Variants in ITIH1 observed in about 807,000 individuals in gnomAD.
ITIH1 encodes inter-alpha-trypsin inhibitor heavy chain H1.
A neutral mutation model predicts 104.6 loss-of-function variants in ITIH1; 94 were observed. The ratio of observed to expected loss-of-function variants is 0.90; its 90% CI spans 0.76 to 1.07. The LOEUF (loss-of-function observed/expected upper bound fraction) is 1.07. Among genes scored for constraint, ITIH1 ranks in the 50% least tolerant of loss-of-function variants. The pLI, the probability that ITIH1 is intolerant of heterozygous loss-of-function variation, is 0.00. For synonymous variants in ITIH1, 455 were observed against 464.4 expected (o/e 0.98, Z 0.26); for missense variants, 1,193 against 1,181.4 (o/e 1.01, Z -0.14).
At chr3:52,784,876 G>GAAAA (rs5848960) in intron 11 of ITIH1, among the ~76,000 whole-genome samples, 168 bp from the exon 12 acceptor site, 6 of 137,830 alleles carry the variant, frequency 4.4e-5, no homozygotes, top group Admixed American at 1.4e-4. Context: ...CTCTGTCTCA[G>GAAAA]AAAAAAAAAA....
rs1476451689 is a variant in ITIH1 at position 52,784,195 on chromosome 3, G to A, written c.1226-101G>A. On this transcript the variant is annotated intron_variant, in intron 10 of 21. Coordinates refer to ENST00000273283, the MANE Select transcript of ITIH1 (RefSeq NM_002215.4). ...GCCCAGGAGCCTGGAGATGCTCTGA[G>A]ATGGAAGGCTTGAGCCCCAGGGAGT... The A allele has an allele frequency of 3.8e-6, 4 of 1,044,694 alleles. No individual in the cohort carries two copies. The Admixed American group carries it at 1.0e-4, about 27-fold the overall frequency. 64.7% of individuals were successfully genotyped at this position (1,044,694 alleles called of 1,614,324 possible). A position where few individuals can be genotyped will look rare whatever the true frequency, so the allele number is the denominator to read the frequency against.
intron 6 of ITIH1, among the ~76,000 whole-genome samples, chr3:52,781,345 T>C (rs1194537625): frequency 6.6e-6 from 1 of 151,068 alleles, no homozygotes; most frequent in Non-Finnish European, 1.5e-5. Context: ...TATCTTCTCT[T>C]CTTCTTCCTC....
Position 52,787,566 on chromosome 3 carries a change from C to T in ITIH1, c.1904-26C>T, listed in dbSNP as rs371355514. On this transcript the variant is annotated intron_variant, in intron 15 of 21. Coordinates refer to ENST00000273283, the MANE Select transcript of ITIH1 (RefSeq NM_002215.4). ...GGGGCACCGTGGGTGACACTGTCTT[C>T]GATAATATGTCCTTGTCTTCTACAG... is the stretch of plus-strand genomic sequence containing the variant. 1.6e-5 allele frequency: 26 copies of T among 1,613,926 alleles called. No individual in the cohort carries two copies. In the Admixed American group the frequency reaches 3.0e-4, roughly 19 times the overall value.
Position 52,780,453 on chromosome 3 carries a change from T to C in ITIH1, c.687+71T>C, listed in dbSNP as rs1699006585. 1.0e-5 allele frequency: 11 copies of C among 1,055,762 alleles called. No homozygotes were observed. The South Asian group carries it at 1.6e-4, about 15-fold the overall frequency. 65.4% of individuals were successfully genotyped at this position (1,055,762 alleles called of 1,614,324 possible). Reference sequence around the variant, plus strand: ...CTCAGCCTGCCCACCCCTTATGGAATGTCCAGCCTTAGCCCAGAAACCAGG... The same window carrying C: ...CTCAGCCTGCCCACCCCTTATGGAACGTCCAGCCTTAGCCCAGAAACCAGG... On this transcript the variant is annotated intron_variant, in intron 6 of 21. Transcript: ENST00000273283.
rs1012492297 is a variant in ITIH1 at position 52,779,905 on chromosome 3, G to A, written c.573+311G>A. The A allele has an allele frequency of 1.4e-5, 20 of 1,379,800 alleles. No individual in the cohort carries two copies. The highest frequency in any genetic ancestry group is 1.2e-4 in the African/African-American group (8 of 68,702). 85.5% of individuals were successfully genotyped at this position (1,379,800 alleles called of 1,614,324 possible). A position where few individuals can be genotyped will look rare whatever the true frequency, so the allele number is the denominator to read the frequency against. On this transcript the variant is annotated intron_variant, in intron 5 of 21. Coordinates refer to ENST00000273283, the MANE Select transcript of ITIH1 (RefSeq NM_002215.4). The surrounding 1 kb of genome is among the most constrained non-coding windows in gnomAD (Gnocchi z 4.4). Reference sequence around the variant, plus strand: ...AATTTTGTAAACTAGAAAGTCCCGCGCAGCCTGAGGGCCTGGAATTATTGC... The same window carrying A: ...AATTTTGTAAACTAGAAAGTCCCGCACAGCCTGAGGGCCTGGAATTATTGC...
chr3:52,784,506 A>T, intron 11 of ITIH1, 29 bp downstream of exon 11: 3 of 1,599,128 alleles, frequency 1.9e-6, no homozygotes, highest in Non-Finnish European at 1.7e-6. Flanking sequence ...CTGTACCTCC[A>T]ATGGCATGCC....
rs1488822247 is a variant in ITIH1, at chr3:52,783,011, G to T, written c.985G>T (p.Asp329Tyr). The T allele has an allele frequency of 6.2e-7, 1 of 1,614,076 alleles. No homozygotes were observed. The highest frequency in any genetic ancestry group is 8.5e-7 in the Non-Finnish European group (1 of 1,180,006). Residue 329 changes from aspartate (D) to tyrosine (Y), a missense_variant, in exon 9 of 22, where the codon GAC becomes TAC. Asp to Tyr is a radical substitution (Grantham distance 160). Coordinates refer to ENST00000273283, the MANE Select transcript of ITIH1 (RefSeq NM_002215.4). Reference sequence around the variant, plus strand: ...GGACATGCAGCCAGGGGACTACTTTGACCTGGTTCTTTTTGGGACTCGAGT... The same window carrying T: ...GGACATGCAGCCAGGGGACTACTTTTACCTGGTTCTTTTTGGGACTCGAGT... Reference protein sequence around the residue: ...LGDMQPGDYFDLVLFGTRVQS... With the variant: ...LGDMQPGDYFYLVLFGTRVQS...
Position 52,777,924 on chromosome 3 carries a change from C to A in ITIH1, c.118-73C>A, listed in dbSNP as rs1251177909. ...CAGAGGACACAGGCTGTGTTCCACTCCCATCCCTGAACTGGCAGGCCGGTG... is the reference window on the plus strand; with the variant it reads ...CAGAGGACACAGGCTGTGTTCCACTACCATCCCTGAACTGGCAGGCCGGTG... On this transcript the variant is annotated intron_variant, in intron 1 of 21. Coordinates refer to ENST00000273283, the MANE Select transcript of ITIH1 (RefSeq NM_002215.4). The A allele has an allele frequency of 5.7e-6, 9 of 1,577,496 alleles. No homozygotes were observed. The East Asian group carries it at 2.0e-4, about 35-fold the overall frequency.
intron 18 of ITIH1, among the ~76,000 whole-genome samples, chr3:52,789,305 G>GGACC (rs1197056247): frequency 6.6e-6 from 1 of 152,132 alleles, no homozygotes. Flanking sequence ...AGACCTCTGT[G>GGACC]AAGAGGTCCC....
In ITIH1 at chr3:52,788,157, C is replaced by T; in HGVS notation, c.2006-75C>T. 3.3e-6 allele frequency: 5 copies of T among 1,510,476 alleles called. No individual in the cohort carries two copies. The South Asian group carries it at 3.5e-5, about 11-fold the overall frequency. 93.6% of individuals were successfully genotyped at this position (1,510,476 alleles called of 1,614,324 possible). On this transcript the variant is annotated intron_variant, in intron 17 of 21. Transcript: ENST00000273283. ...CTCTCTGTCTCTCTCTGGGACCTGC[C>T]TAGCTGAACCCCAACCCCTGGCCAG...
At chr3:52,781,331 CTTCT>C (rs964784827) in intron 6 of ITIH1, among the ~76,000 whole-genome samples, 4 of 149,310 alleles carry the variant, frequency 2.7e-5, no homozygotes, top group African/African-American at 7.4e-5. Flanking sequence ...CCTTCTTCTT[CTTCT>C]ATCTTCTCTT....
rs1023809070 is a variant in ITIH1 at position 52,792,048 on chromosome 3, G to A, written c.*137G>A. On this transcript the variant is annotated 3_prime_UTR_variant, in exon 22 of 22. Transcript: ENST00000273283. The stretch of plus-strand genomic sequence containing the variant: ...AAAGCACCTCATGCCTTCCATTAAA[G>A]AGAGGCCGTGTCCACCCTGAGCTGG... The A allele has an allele frequency of 9.9e-7, 1 of 1,009,718 alleles. No homozygotes were observed. The highest frequency in any genetic ancestry group is 1.4e-6 in the Non-Finnish European group (1 of 703,840). The allele number at this position is 1,009,718 out of a possible 1,614,324, so 62.5% of individuals were successfully genotyped here.
At chr3:52,781,372 C>T (rs1699056531) in intron 6 of ITIH1, among the ~76,000 whole-genome samples, 1 of 151,578 alleles carries the variant, frequency 6.6e-6, no homozygotes. Context: ...TCTGCTGCTT[C>T]TTCTTCCTTT....
At chr3:52,787,707 T>A in intron 16 of ITIH1, 95 bp downstream of exon 16, 1 of 1,364,306 alleles carries the variant, frequency 7.3e-7, no homozygotes, top group Non-Finnish European at 1.1e-6. Flanking sequence ...CTTCACTGCT[T>A]GTCACTGGGA....
rs544175850 is a variant in ITIH1 at position 52,787,979 on chromosome 3, C to T, written c.1925-7C>T. On this transcript the variant is annotated splice_region_variant and splice_polypyrimidine_tract_variant and intron_variant, in intron 16 of 21. Transcript: ENST00000273283. Reference sequence around the variant, plus strand: ...CCGCTTCTAAATGCCACTCCCCCTCCCATCAGCGTTCGTGCTGTCAGCCTT... The same window carrying T: ...CCGCTTCTAAATGCCACTCCCCCTCTCATCAGCGTTCGTGCTGTCAGCCTT... 10 of 1,613,324 alleles carry T rather than the reference C, an allele frequency of 6.2e-6. No homozygotes were observed. The highest frequency in any genetic ancestry group is 1.6e-4 in the Middle Eastern group (1 of 6,084).
intron 12 of ITIH1, among the ~76,000 whole-genome samples, chr3:52,785,676 C>T (rs114784256): frequency 0.013 from 1,992 of 152,290 alleles, 20 homozygotes; most frequent in African/African-American, 0.021. Flanking sequence ...ACACAGACAA[C>T]GCCCTAAGTG....
At position 52,789,788 on chromosome 3, in the gene ITIH1, C is replaced by G. The variant is rs376776792; in HGVS notation, c.2255C>G (p.Thr752Arg). The G allele has an allele frequency of 3.1e-6, 5 of 1,614,128 alleles. No individual in the cohort carries two copies. Among genetic ancestry groups the G allele is most frequent in the Non-Finnish European group, 4.2e-6 (5 of 1,180,042 alleles). ...TTGGAAGTGACTCCTCAGAACATTA[C>G]GCTGAACCCCGGCTTTGGTGGGCCT... The part of the protein sequence containing the change: ...FQLEVTPQNI[T>R]LNPGFGGPVF... The change falls in exon 19 of 22, where the codon ACG (threonine) becomes AGG (arginine). Residue 752 changes from threonine to arginine, a missense_variant. Transcript: ENST00000273283.
At position 52,790,073 on chromosome 3, in the gene ITIH1, G is replaced by A. The variant is rs933332735; in HGVS notation, c.2321+219G>A. On this transcript the variant is annotated intron_variant, in intron 19 of 21. Coordinates refer to ENST00000273283, the MANE Select transcript of ITIH1 (RefSeq NM_002215.4). Reference sequence around the variant, plus strand: ...GCTGCATGGCAACTGTGCTCCCACCGCACCTTAGCTCTGAATGCCACCCCT... The same window carrying A: ...GCTGCATGGCAACTGTGCTCCCACCACACCTTAGCTCTGAATGCCACCCCT... 48 of 585,406 alleles carry A rather than the reference G, an allele frequency of 8.2e-5. 1 individual carries two copies. In the Admixed American group the frequency reaches 8.6e-4, roughly 11 times the overall value. 36.3% of individuals were successfully genotyped at this position (585,406 alleles called of 1,614,324 possible). A position where few individuals can be genotyped will look rare whatever the true frequency, so the allele number is the denominator to read the frequency against.
chr3:52,789,642 C>G lies in ITIH1; in HGVS notation c.2120-11C>G, dbSNP rs903429945. The G allele has an allele frequency of 2.5e-6, 4 of 1,613,414 alleles. No homozygotes were observed. In the East Asian group the frequency reaches 6.7e-5, roughly 27 times the overall value. The stretch of plus-strand genomic sequence containing the variant: ...CCTTCCCAACCCGGATGCCCTCTTG[C>G]TCCATTGCAGGCTTCTCAGTGAATG... On this transcript the variant is annotated splice_polypyrimidine_tract_variant and intron_variant, in intron 18 of 21. Transcript: ENST00000273283.
Sources: gnomAD v4.1 joint callset for allele counts (sites outside exome capture counted in the v4.1 genomes callset) on GRCh38, gnomAD v4.1.1 for gene constraint, Gnocchi (gnomAD v3.1) non-coding constraint, MANE v1.5 for transcripts, NCBI Gene and HGNC (gene_info 2026-07-23, HGNC 2026-07-21) for gene names.